The following MAGI1 variants were observed in gnomAD, a reference collection of about 807,000 sequenced individuals.
MAGI1 encodes the protein membrane associated guanylate kinase, WW and PDZ domain containing 1, also known as membrane-associated guanylate kinase, WW and PDZ domain-containing protein 1.
In MAGI1, 58 loss-of-function variants were observed where a neutral mutation model predicts 139.9. That is an observed-to-expected ratio of 0.41 (90% confidence interval 0.34 to 0.52). MAGI1 has a LOEUF of 0.52. MAGI1 is among the 20% of genes least tolerant of loss of function. The probability of loss-of-function intolerance (pLI) is 0.12; values close to 1 mark genes in which losing one functional copy is unlikely to be tolerated. For synonymous variants in MAGI1, 812 were observed against 737.9 expected (o/e 1.10, Z -1.63); for missense variants, 1,874 against 1,901.6 (o/e 0.99, Z 0.27).
Position 65,530,966 on chromosome 3 carries a change from T to C in MAGI1, c.431-37335A>G, listed in dbSNP as rs1296770027. The stretch of plus-strand genomic sequence containing the variant: ...ATTATTCGTAGTTCCCATAAATTTC[T>C]ATTTGCATCTCTGAAAAATAAGGAC... On this transcript the variant is annotated intron_variant, in intron 2 of 22. Transcript: ENST00000402939. 4.0e-5 allele frequency among the ~76,000 whole-genome samples: 6 copies of C among 150,982 alleles called. No homozygotes were observed. In the East Asian group the frequency reaches 9.7e-4, roughly 25 times the overall value.
intron 2 of MAGI1, among the ~76,000 whole-genome samples, chr3:65,586,895 T>C (rs940629): frequency 0.014 from 2,073 of 152,240 alleles, 51 homozygotes; most frequent in African/African-American, 0.048. Context: ...AATGAAGGTT[T>C]CTCCTTAGCC....
At chr3:65,688,302 G>A in intron 1 of MAGI1, 1 of 809,132 alleles carries the variant, frequency 1.2e-6, no homozygotes, top group Non-Finnish European at 2.1e-6. Flanking sequence ...CCAGGAGGGT[G>A]ATGCCAGACA....
chr3:66,015,809 TTTTCTCTC>T (rs1313769125), intron 1 of MAGI1, among the ~76,000 whole-genome samples: 6 of 150,990 alleles, frequency 4.0e-5, no homozygotes, highest in African/African-American at 1.5e-4. Flanking sequence ...TCTATACGCA[TTTTCTCTC>T]TTTCTATCTG....
chr3:65,363,424 T>A, intron 21 of MAGI1, 41 bp downstream of exon 21: 3 of 1,563,628 alleles, frequency 1.9e-6, no homozygotes. Context: ...TCACTGCAGA[T>A]GGTTTCTTTG....
chr3:65,474,874 G>A (rs1422885301), intron 4 of MAGI1, among the ~76,000 whole-genome samples: 2 of 152,146 alleles, frequency 1.3e-5, no homozygotes, highest in African/African-American at 4.8e-5. Flanking sequence ...GGTTGCAGTG[G>A]CAGCTCTGAC....
intron 1 of MAGI1, among the ~76,000 whole-genome samples, chr3:65,810,961 T>C (rs1382577298): frequency 6.6e-6 from 1 of 152,250 alleles, no homozygotes; most frequent in Non-Finnish European, 1.5e-5. Context: ...AATACATGTT[T>C]GTTGGGATAA....
At chr3:65,374,859 C>A (rs201186177) in intron 18 of MAGI1, among the ~76,000 whole-genome samples, 1 of 152,068 alleles carries the variant, frequency 6.6e-6, no homozygotes, top group Non-Finnish European at 1.5e-5. Flanking sequence ...TAAGGACAGG[C>A]CTAGTTTAAT....
chr3:65,904,581 A>T (rs1207142766), intron 1 of MAGI1, among the ~76,000 whole-genome samples: 1 of 152,144 alleles, frequency 6.6e-6, no homozygotes, highest in Non-Finnish European at 1.5e-5. Context: ...CACTTCTAGG[A>T]TGTAGCTTCC....
chr3:65,961,318 C>T (rs1210478787), intron 1 of MAGI1, among the ~76,000 whole-genome samples: 2 of 152,164 alleles, frequency 1.3e-5, no homozygotes, highest in Non-Finnish European at 2.9e-5. Context: ...ATGCATTTCC[C>T]CTCACCTCTT....
intron 12 of MAGI1, among the ~76,000 whole-genome samples, chr3:65,405,429 C>T (rs1044623900): frequency 6.6e-6 from 1 of 152,104 alleles, no homozygotes; most frequent in African/African-American, 2.4e-5. Flanking sequence ...TACCATTTTG[C>T]AAAGAAAGGC....
At chr3:66,037,885 A>G (rs909208496) in intron 1 of MAGI1, 111 bp downstream of exon 1, 83 of 1,495,310 alleles carry the variant, frequency 5.6e-5, no homozygotes, top group Admixed American at 1.2e-4. Flanking sequence ...CACGGCCTCA[A>G]CTTCTCTTCA....
intron 1 of MAGI1, among the ~76,000 whole-genome samples, chr3:65,739,553 A>G (rs2035081500): frequency 6.6e-6 from 1 of 152,174 alleles, no homozygotes; most frequent in Admixed American, 6.5e-5. Context: ...AGCTTTCCAC[A>G]TGCCTTCCTC....
At chr3:65,592,687 G>A (rs1045572279) in intron 2 of MAGI1, among the ~76,000 whole-genome samples, 2 of 152,156 alleles carry the variant, frequency 1.3e-5, no homozygotes, top group African/African-American at 4.8e-5. Flanking sequence ...ACACGCACAT[G>A]CAGTTACTTT....
chr3:66,013,760 CAAA>C (rs372862676), intron 1 of MAGI1, among the ~76,000 whole-genome samples: 8 of 81,504 alleles, frequency 9.8e-5, no homozygotes, highest in East Asian at 3.9e-4. Context: ...GACTCTGTCT[CAAA>C]AAAAAAAAAA....
chr3:65,787,189 C>T (rs965805761), intron 1 of MAGI1, among the ~76,000 whole-genome samples: 1 of 151,996 alleles, frequency 6.6e-6, no homozygotes, highest in Non-Finnish European at 1.5e-5. Context: ...AAAAGTTAGG[C>T]ATGGAAAGGC....
chr3:65,448,309 T>C lies in MAGI1; in HGVS notation c.1043-252A>G, dbSNP rs570372281. ...ATTTCCTTGCATGTCAAAATAGGATTTGATTGGTTGTAAAAGATGACAAAT... is the reference window on the plus strand; with the variant it reads ...ATTTCCTTGCATGTCAAAATAGGATCTGATTGGTTGTAAAAGATGACAAAT... On this transcript the variant is annotated intron_variant, in intron 6 of 22. Transcript: ENST00000402939. 55 of 577,288 alleles carry C rather than the reference T, an allele frequency of 9.5e-5. No homozygotes were observed. The African/African-American group carries it at 1.0e-3, about 11-fold the overall frequency. The allele number at this position is 577,288 out of a possible 1,614,324, so 35.8% of individuals were successfully genotyped here. A position where few individuals can be genotyped will look rare whatever the true frequency, so the allele number is the denominator to read the frequency against.
At chr3:65,511,099 A>T (rs1188227702) in intron 2 of MAGI1, among the ~76,000 whole-genome samples, 1 of 149,094 alleles carries the variant, frequency 6.7e-6, no homozygotes, top group African/African-American at 2.4e-5. Flanking sequence ...CAGACAAGCA[A>T]ATGCTGAGAG....
At chr3:65,394,860 G>A (rs555506467) in intron 13 of MAGI1, among the ~76,000 whole-genome samples, 43 of 152,204 alleles carry the variant, frequency 2.8e-4, no homozygotes, top group African/African-American at 8.4e-4. Flanking sequence ...ATGAGAATAC[G>A]TTCACTTCTG....
At chr3:65,828,726 G>C (rs543363972) in intron 1 of MAGI1, among the ~76,000 whole-genome samples, 1 of 152,196 alleles carries the variant, frequency 6.6e-6, no homozygotes, top group East Asian at 1.9e-4. Flanking sequence ...TAAAGGGTAT[G>C]GACCTTGAGA....
Sources: allele counts gnomAD v4.1 joint callset (sites outside exome capture counted in the v4.1 genomes callset), GRCh38; gene constraint gnomAD v4.1.1; transcripts MANE v1.5; gene names NCBI Gene and HGNC (gene_info 2026-07-23, HGNC 2026-07-21).